B3GALNT2: variants seen among roughly 807,000 people sequenced by gnomAD.
B3GALNT2 encodes the protein beta-1,3-N-acetylgalactosaminyltransferase 2.
Under a neutral mutation model 61.1 loss-of-function variants are expected in B3GALNT2, and 53 were observed. That is an observed-to-expected ratio of 0.87 (90% confidence interval 0.70 to 1.09). The LOEUF is 1.09. B3GALNT2 is among the 50% of genes least tolerant of loss of function. The probability of loss-of-function intolerance (pLI) is 0.00; values close to 1 mark genes in which losing one functional copy is unlikely to be tolerated. For missense variants in B3GALNT2, 544 were observed against 623.0 expected, an observed-to-expected ratio of 0.87 and a Z score of 1.35; for synonymous variants, 223 against 237.4, an observed-to-expected ratio of 0.94 and a Z score of 0.56.
In B3GALNT2 at chr1:235,470,912, C is replaced by A. The variant is rs778248252; in HGVS notation, c.700G>T (p.Val234Leu). 3 of 1,614,004 alleles carry A rather than the reference C, an allele frequency of 1.9e-6. No individual in the cohort carries two copies. The highest frequency in any genetic ancestry group is 2.2e-5 in the East Asian group (1 of 44,880). ...GTCACTTTGTGGAGATTTCTTGACA[C>A]AAGGCCGTGGAGGTCTTGGCTCTCC... is the stretch of plus-strand genomic sequence containing the variant. The part of the protein sequence containing the change: ...VWESQDLHGL[V>L]SRNLHKVTVN... Residue 234 changes from valine (V) to leucine (L), a missense_variant, in exon 6 of 12, where the codon GTG (valine) becomes TTG (leucine). Physicochemically the swap from Val to Leu is conservative, Grantham distance 32 (BLOSUM62 1). Transcript: ENST00000366600.
At chr1:235,500,969 T>C (rs1239072064) in intron 1 of B3GALNT2, among the ~76,000 whole-genome samples, 1 of 152,200 alleles carries the variant, frequency 6.6e-6, no homozygotes, top group African/African-American at 2.4e-5. Flanking sequence ...GCTCTACATC[T>C]GTTTCCATTA....
chr1:235,440,073 C>T, the B3GALNT2 span, among the ~76,000 whole-genome samples: 1 of 151,700 alleles, frequency 6.6e-6, no homozygotes, highest in Non-Finnish European at 1.5e-5. Context: ...CGGGTTCACG[C>T]CATTCTCCTG....
At chr1:235,492,076 C>T (rs192499236) in intron 2 of B3GALNT2, among the ~76,000 whole-genome samples, 16 of 152,318 alleles carry the variant, frequency 1.1e-4, no homozygotes, top group African/African-American at 3.8e-4. Context: ...TATTCTACCA[C>T]ACATACTACA....
intron 3 of B3GALNT2, among the ~76,000 whole-genome samples, chr1:235,486,251 A>G (rs997869886): frequency 3.9e-5 from 6 of 152,198 alleles, no homozygotes; most frequent in Non-Finnish European, 8.8e-5. Flanking sequence ...GAGGGAAAAA[A>G]GGGAGAATAC....
In B3GALNT2 at chr1:235,447,813, C is replaced by CACTT. The variant is rs1424071822; in HGVS notation, c.*2389_*2392dup. ...TGGTATGAAACTCACTGTCAAAGGG[C>CACTT]ACTTAGGTCCGTTGGCTCCGTTTCC... On this transcript the variant is annotated 3_prime_UTR_variant, in exon 12 of 12. Coordinates refer to ENST00000366600, the MANE Select transcript of B3GALNT2 (RefSeq NM_152490.5). Among the ~76,000 whole-genome samples the CACTT allele has an allele frequency of 6.6e-6, 1 of 152,172 alleles. No individual in the cohort carries two copies. The highest frequency in any genetic ancestry group is 1.5e-5 in the Non-Finnish European group (1 of 68,030).
At chr1:235,494,856 TAA>T in intron 1 of B3GALNT2, 28 bp from the exon 2 acceptor site, 1 of 1,558,348 alleles carries the variant, frequency 6.4e-7, no homozygotes, top group Non-Finnish European at 8.8e-7. Flanking sequence ...ACATGAGAAA[TAA>T]GTCATGTATC....
intron 5 of B3GALNT2, among the ~76,000 whole-genome samples, chr1:235,472,480 C>G (rs550341091): frequency 3.3e-5 from 5 of 152,126 alleles, no homozygotes; most frequent in African/African-American, 4.8e-5. Flanking sequence ...TCTATCACAT[C>G]AACCTGTTTT....
chr1:235,484,906 T>C lies in B3GALNT2; in HGVS notation c.362-391A>G, dbSNP rs181363187. ...TGTAGTCATAAATAATCAGTAAATT[T>C]GGTCTTACTGTGCAAATTCCAAAAA... On this transcript the variant is annotated intron_variant, in intron 3 of 11. Coordinates refer to ENST00000366600, the MANE Select transcript of B3GALNT2 (RefSeq NM_152490.5). Among the ~76,000 whole-genome samples the C allele has an allele frequency of 8.5e-5, 13 of 152,342 alleles. No individual in the cohort carries two copies. The East Asian group carries it at 2.3e-3, about 27-fold the overall frequency.
At chr1:235,486,313 C>G (rs1345000668) in intron 3 of B3GALNT2, among the ~76,000 whole-genome samples, 1 of 152,136 alleles carries the variant, frequency 6.6e-6, no homozygotes, top group Non-Finnish European at 1.5e-5. Context: ...TAGACTACAA[C>G]ATAATGGACA....
intron 5 of B3GALNT2, among the ~76,000 whole-genome samples, 199 bp from the exon 6 acceptor site, chr1:235,471,159 A>G (rs1683988111): frequency 6.6e-6 from 1 of 152,228 alleles, no homozygotes; most frequent in Non-Finnish European, 1.5e-5. Flanking sequence ...ATAAAAAACC[A>G]ATTACAAAGA....
At chr1:235,488,027 T>C (rs1009381460) in intron 3 of B3GALNT2, among the ~76,000 whole-genome samples, 1 of 152,122 alleles carries the variant, frequency 6.6e-6, no homozygotes, top group Non-Finnish European at 1.5e-5. Context: ...CCCACCGTGG[T>C]GTCCCAAAGT....
intron 2 of B3GALNT2, among the ~76,000 whole-genome samples, chr1:235,491,475 G>A (rs1395726590): frequency 6.6e-6 from 1 of 152,162 alleles, no homozygotes; most frequent in East Asian, 1.9e-4. Context: ...GAGCCAGTTA[G>A]TAAACCTTTA....
rs146196831 is a variant in B3GALNT2 at position 235,502,066 on chromosome 1, G to A, written c.112+2075C>T. ...TCGCTCTTGTCACCCAGGCTGGAGT[G>A]CAGTGGCGCAATCTCGTCTCACTGC... On this transcript the variant is annotated intron_variant, in intron 1 of 11. Transcript: ENST00000366600. 2.3e-3 allele frequency among the ~76,000 whole-genome samples: 357 copies of A among 152,316 alleles called. 2 individuals carry two copies. The highest frequency in any genetic ancestry group is 8.3e-3 in the African/African-American group (344 of 41,572).
chr1:235,478,761 AAAGT>A (rs1324822759), intron 5 of B3GALNT2: 5 of 152,246 alleles, frequency 3.3e-5, no homozygotes, highest in African/African-American at 9.6e-5. Flanking sequence ...GTGATATGTT[AAAGT>A]AAGTAAATTA....
chr1:235,458,445 G>A (rs1337915998), intron 8 of B3GALNT2, among the ~76,000 whole-genome samples, 158 bp downstream of exon 8: 3 of 151,802 alleles, frequency 2.0e-5, no homozygotes, highest in African/African-American at 4.8e-5. Context: ...ACCTACTCAG[G>A]AGGCTAAGGC....
chr1:235,469,085 T>A (rs184703801), intron 6 of B3GALNT2, among the ~76,000 whole-genome samples: 2 of 152,328 alleles, frequency 1.3e-5, no homozygotes, highest in East Asian at 3.9e-4. Context: ...ATGGGTCTAT[T>A]TGTTTAATGT....
At chr1:235,494,281 T>C (rs1685209562) in intron 2 of B3GALNT2, among the ~76,000 whole-genome samples, 1 of 65,180 alleles carries the variant, frequency 1.5e-5, no homozygotes, top group Non-Finnish European at 2.6e-5. Context: ...ATCTAAATAC[T>C]ACACGTTAAC....
At chr1:235,444,192 T>G (rs1243288831), downstream of B3GALNT2, among the ~76,000 whole-genome samples, 1 of 152,218 alleles carries the variant, frequency 6.6e-6, no homozygotes, top group Non-Finnish European at 1.5e-5. Context: ...CCTTTCTGAT[T>G]GATAACCATC....
Position 235,447,199 on chromosome 1 carries a change from T to C in B3GALNT2, c.*3007A>G, listed in dbSNP as rs1682405301. Among the ~76,000 whole-genome samples the C allele has an allele frequency of 1.3e-5, 2 of 152,234 alleles. No homozygotes were observed. Among genetic ancestry groups the C allele is most frequent in the South Asian group, 4.1e-4 (2 of 4,830 alleles). Reference sequence around the variant, plus strand: ...AATTCTATTAACTGTATTCAATACATACAAAAAGGCCAGTTTTTATTCTAA... The same window carrying C: ...AATTCTATTAACTGTATTCAATACACACAAAAAGGCCAGTTTTTATTCTAA... On this transcript the variant is annotated 3_prime_UTR_variant, in exon 12 of 12. Transcript: ENST00000366600.
Sources: allele counts gnomAD v4.1 joint callset (sites outside exome capture counted in the v4.1 genomes callset), GRCh38; gene constraint gnomAD v4.1.1; transcripts MANE v1.5; gene names NCBI Gene and HGNC (gene_info 2026-07-23, HGNC 2026-07-21).